EIPR1: variants seen among roughly 807,000 people sequenced by gnomAD.
EIPR1 encodes EARP complex and GARP complex interacting protein 1.
In EIPR1, 25 loss-of-function variants were observed where a neutral mutation model predicts 48.1. That is an observed-to-expected ratio of 0.52 (90% CI 0.38 to 0.73). EIPR1 has a LOEUF of 0.73. EIPR1 is among the 30% of genes least tolerant of loss of function. EIPR1 has a pLI of 0.00. For synonymous variants in EIPR1, 204 were observed against 201.9 expected, an observed-to-expected ratio of 1.01 and a Z score of -0.09; for missense variants, 415 against 506.2, an observed-to-expected ratio of 0.82 and a Z score of 1.73.
chr2:3,246,275 G>T (rs1156761423), intron 4 of EIPR1, among the ~76,000 whole-genome samples: 1 of 152,068 alleles, frequency 6.6e-6, no homozygotes, highest in Non-Finnish European at 1.5e-5. Context: ...ACTCCTCTTT[G>T]TAACATTTAA....
intron 1 of EIPR1, among the ~76,000 whole-genome samples, chr2:3,373,643 A>G (rs555396774): frequency 6.6e-6 from 1 of 152,214 alleles, no homozygotes; most frequent in African/African-American, 2.4e-5. Flanking sequence ...TTCAAAGAGA[A>G]TAAAATACCT....
intron 3 of EIPR1, chr2:3,274,517 T>C: frequency 7.2e-7 from 1 of 1,383,750 alleles, no homozygotes; most frequent in Non-Finnish European, 9.4e-7. Flanking sequence ...ACTTGGGGTA[T>C]AAATAAAATA....
Position 3,377,735 on chromosome 2 carries a change from C to A in EIPR1, c.-46G>T. ...CCCCGGCCACTCACACGCTAAGGAC[C>A]TCGCTACGGCCGGCGCGTCCCCACC... is the stretch of plus-strand genomic sequence containing the variant. On this transcript the variant is annotated 5_prime_UTR_variant, in exon 1 of 9. The change creates a new upstream start codon in the 5' untranslated region. Transcript: ENST00000382125. The A allele has an allele frequency of 6.4e-7, 1 of 1,553,204 alleles. No individual in the cohort carries two copies. The highest frequency in any genetic ancestry group is 8.7e-7 in the Non-Finnish European group (1 of 1,147,556).
At chr2:3,224,488 G>A (rs989114343) in intron 4 of EIPR1, among the ~76,000 whole-genome samples, 3 of 152,186 alleles carry the variant, frequency 2.0e-5, no homozygotes, top group Non-Finnish European at 2.9e-5. Context: ...TCACCTCAAA[G>A]GACCAGAGGT....
chr2:3,347,467 G>A lies in EIPR1; in HGVS notation c.126+7083C>T, dbSNP rs191997741. 5.0e-4 allele frequency among the ~76,000 whole-genome samples: 76 copies of A among 152,266 alleles called. No homozygotes were observed. In the Middle Eastern group the frequency reaches 0.014, roughly 27 times the overall value. On this transcript the variant is annotated intron_variant, in intron 2 of 8. Transcript: ENST00000382125. The stretch of plus-strand genomic sequence containing the variant: ...CCTGCACAAGCTCTCTTTGCCTGCC[G>A]CCATCCACGTAAGATGTGACTTGCT...
At chr2:3,299,266 G>A (rs1381769655) in intron 3 of EIPR1, among the ~76,000 whole-genome samples, 1 of 151,970 alleles carries the variant, frequency 6.6e-6, no homozygotes, top group Non-Finnish European at 1.5e-5. Flanking sequence ...CTCCGCCCTG[G>A]GTCAGCTCAT....
intron 3 of EIPR1, among the ~76,000 whole-genome samples, chr2:3,283,491 G>A (rs530870300): frequency 1.8e-4 from 28 of 152,320 alleles, no homozygotes; most frequent in African/African-American, 6.5e-4. Context: ...AGTGGCACAA[G>A]AGGACTGAGA....
chr2:3,291,110 G>A lies in EIPR1; in HGVS notation c.260-33655C>T, dbSNP rs572088560. 5.9e-5 allele frequency among the ~76,000 whole-genome samples: 9 copies of A among 152,330 alleles called. No individual in the cohort carries two copies. In the East Asian group the frequency reaches 1.3e-3, roughly 23 times the overall value. ...ACCCCGAGGAACATGCCTCAGATGC[G>A]AGGCTGGATGTTAGCCCCACAGCAG... is the stretch of plus-strand genomic sequence containing the variant. On this transcript the variant is annotated intron_variant, in intron 3 of 8. Transcript: ENST00000382125.
chr2:3,267,575 A>T (rs778128504), intron 3 of EIPR1, among the ~76,000 whole-genome samples: 1 of 152,254 alleles, frequency 6.6e-6, no homozygotes, highest in Non-Finnish European at 1.5e-5. Context: ...TCTGATATAA[A>T]GATTGAGCTA....
chr2:3,284,969 G>C (rs1668134578), intron 3 of EIPR1, among the ~76,000 whole-genome samples: 1 of 152,216 alleles, frequency 6.6e-6, no homozygotes, highest in Non-Finnish European at 1.5e-5. Context: ...GAACAGACGT[G>C]TAGGTATGGA....
chr2:3,362,406 G>C (rs1275558571), intron 1 of EIPR1, among the ~76,000 whole-genome samples: 1 of 151,502 alleles, frequency 6.6e-6, no homozygotes, highest in African/African-American at 2.4e-5. Context: ...CTCCCCATTC[G>C]GTGCTTAAAT....
intron 3 of EIPR1, among the ~76,000 whole-genome samples, chr2:3,321,788 C>T (rs1669537768): frequency 6.6e-6 from 1 of 152,188 alleles, no homozygotes; most frequent in Non-Finnish European, 1.5e-5. Context: ...TAGTTCAGCA[C>T]CTTCTTTCTA....
intron 1 of EIPR1, among the ~76,000 whole-genome samples, chr2:3,373,782 T>A (rs993511188): frequency 6.6e-6 from 1 of 151,344 alleles, no homozygotes; most frequent in South Asian, 2.1e-4. Flanking sequence ...AGAATCAATA[T>A]CGTGAAAATG....
intron 4 of EIPR1, among the ~76,000 whole-genome samples, chr2:3,240,605 C>A (rs1364290095): frequency 1.4e-5 from 2 of 147,696 alleles, no homozygotes; most frequent in East Asian, 2.1e-4. Context: ...GAAAAGCCAG[C>A]AGATCCCTCC....
intron 1 of EIPR1, among the ~76,000 whole-genome samples, chr2:3,376,797 C>T (rs12464175): frequency 0.16 from 23,735 of 152,080 alleles, 2,104 homozygotes; most frequent in Non-Finnish European, 0.2. Context: ...TTCTATCTCT[C>T]TATCTGTCCC....
rs150099698 is a variant in EIPR1 at position 3,230,664 on chromosome 2, T to C, written c.417-16416A>G. Reference sequence around the variant, plus strand: ...CTTTCTCAAAGGTTAGTTGACCATATACGTGTGAGTTTATTTATGAGCTTT... The same window carrying C: ...CTTTCTCAAAGGTTAGTTGACCATACACGTGTGAGTTTATTTATGAGCTTT... On this transcript the variant is annotated intron_variant, in intron 4 of 8. Transcript: ENST00000382125. Among the ~76,000 whole-genome samples, 159 of 152,376 alleles carry C rather than the reference T, an allele frequency of 1.0e-3. 2 individuals carry two copies. Among genetic ancestry groups the C allele is most frequent in the East Asian group, 1.2e-3 (6 of 5,196 alleles).
intron 4 of EIPR1, among the ~76,000 whole-genome samples, chr2:3,253,010 T>C (rs1667048943): frequency 6.6e-6 from 1 of 152,222 alleles, no homozygotes; most frequent in African/African-American, 2.4e-5. Context: ...GGATCGGACG[T>C]GCCTCATTCT....
intron 1 of EIPR1, among the ~76,000 whole-genome samples, chr2:3,363,759 C>A (rs1455900865): frequency 1.4e-5 from 2 of 143,756 alleles, no homozygotes; most frequent in African/African-American, 5.1e-5. Flanking sequence ...ATCTGTCAGG[C>A]GATTAATAAC....
intron 5 of EIPR1, among the ~76,000 whole-genome samples, chr2:3,205,782 T>C (rs1665212636): frequency 6.6e-6 from 1 of 152,172 alleles, no homozygotes; most frequent in South Asian, 2.1e-4. Context: ...GGTTACTTAG[T>C]CTCTTTGAGG....
Sources: allele counts gnomAD v4.1 joint callset (sites outside exome capture counted in the v4.1 genomes callset), GRCh38; gene constraint gnomAD v4.1.1; transcripts MANE v1.5; gene names NCBI Gene and HGNC (gene_info 2026-07-23, HGNC 2026-07-21).